Variants in CACNA1C observed in about 807,000 individuals in gnomAD.
CACNA1C encodes voltage-dependent L-type calcium channel subunit alpha-1C.
Under a neutral mutation model 229.0 loss-of-function variants are expected in CACNA1C, and 30 were observed. That is an observed-to-expected ratio of 0.13 (90% CI 0.10 to 0.18). CACNA1C has a LOEUF of 0.18. CACNA1C is among the 10% of genes least tolerant of loss of function. CACNA1C has a pLI of 1.00. For missense variants in CACNA1C, 1,658 were observed against 2,845.0 expected (o/e 0.58, Z 9.49); for synonymous variants, 1,114 against 1,132.5 (o/e 0.98, Z 0.33).
chr12:1,999,354 T>C (rs1400576257), intron 1 of CACNA1C, among the ~76,000 whole-genome samples: 1 of 152,208 alleles, frequency 6.6e-6, no homozygotes, highest in Admixed American at 6.5e-5. Context: ...CTATAAAAAA[T>C]CATTACCTAG....
At chr12:2,008,503 G>GCCTT (rs2043861648) in intron 1 of CACNA1C, among the ~76,000 whole-genome samples, 2 of 151,930 alleles carry the variant, frequency 1.3e-5, no homozygotes, top group African/African-American at 4.9e-5. Flanking sequence ...TTGGTCCAAT[G>GCCTT]CCTTGTACAT....
intron 1 of CACNA1C, among the ~76,000 whole-genome samples, chr12:2,091,564 C>T (rs961794063): frequency 5.9e-5 from 9 of 152,196 alleles, no homozygotes; most frequent in South Asian, 4.1e-4. Flanking sequence ...GCTCTCCTCT[C>T]GTGCCTTCCT....
At chr12:2,350,343 T>C (rs1169687911) in intron 3 of CACNA1C, among the ~76,000 whole-genome samples, 1 of 152,186 alleles carries the variant, frequency 6.6e-6, no homozygotes, top group East Asian at 1.9e-4. Context: ...CCTAGCAGCC[T>C]TGTTAGGTAG....
intron 4 of CACNA1C, among the ~76,000 whole-genome samples, chr12:2,453,520 T>A (rs2099397168): frequency 6.6e-6 from 1 of 152,122 alleles, no homozygotes; most frequent in African/African-American, 2.4e-5. Flanking sequence ...TCTCTGGGTA[T>A]AAAGGACAGA....
At chr12:2,274,221 G>A (rs1278211063) in intron 3 of CACNA1C, among the ~76,000 whole-genome samples, 1 of 152,194 alleles carries the variant, frequency 6.6e-6, no homozygotes, top group Non-Finnish European at 1.5e-5. Context: ...AAGTGCTGTG[G>A]GGCCCAGGCG....
intron 3 of CACNA1C, among the ~76,000 whole-genome samples, chr12:2,212,790 A>T (rs1394888243): frequency 6.6e-6 from 1 of 152,146 alleles, no homozygotes; most frequent in Admixed American, 6.5e-5. Context: ...GACTAGTTAG[A>T]CATGGTTTCT....
intron 3 of CACNA1C, among the ~76,000 whole-genome samples, chr12:2,263,498 C>G (rs1161883628): frequency 6.6e-6 from 1 of 151,002 alleles, no homozygotes; most frequent in African/African-American, 2.4e-5. Context: ...AGTGACTGAT[C>G]TGTTTTGAAA....
chr12:2,042,426 C>T (rs1566013106), intron 1 of CACNA1C, among the ~76,000 whole-genome samples: 4 of 152,276 alleles, frequency 2.6e-5, no homozygotes, highest in South Asian at 2.1e-4. Context: ...AACATATTTA[C>T]ATTATGAGCT....
At chr12:2,372,981 T>C (rs2097912156) in intron 3 of CACNA1C, among the ~76,000 whole-genome samples, 2 of 152,246 alleles carry the variant, frequency 1.3e-5, no homozygotes, top group African/African-American at 4.8e-5. Context: ...TCCAAAGGAA[T>C]GCACGGTGTT....
intron 3 of CACNA1C, among the ~76,000 whole-genome samples, chr12:2,176,442 G>T (rs2096647281): frequency 6.6e-6 from 1 of 152,116 alleles, no homozygotes; most frequent in Admixed American, 6.5e-5. Context: ...TTTTTAAAGG[G>T]TCCTGCTGGC....
chr12:2,004,203 G>A (rs1262662551), intron 1 of CACNA1C: 7 of 1,575,058 alleles, frequency 4.4e-6, no homozygotes, highest in Non-Finnish European at 6.0e-6. Context: ...CCCCTCACCG[G>A]GTCCTCAAGT....
rs575583988 is a variant in CACNA1C at position 2,593,223 on chromosome 12, TGAG to T, written c.2548_2550del (p.Glu850del). 3.5e-4 allele frequency: 567 copies of T among 1,613,740 alleles called. 7 individuals are homozygous for T. In the Middle Eastern group the frequency reaches 4.5e-3, roughly 13 times the overall value. ...CTGTTCTTCTTACAGGAGAAGAGGA[TGAG>T]GAGGAGCCAGAGATGCCTGTCGGCC... On this transcript the variant is annotated inframe_deletion, in exon 19 of 47. Coordinates refer to ENST00000399655, the MANE Select transcript of CACNA1C (RefSeq NM_000719.7).
At chr12:2,614,803 C>T (rs564767392) in intron 29 of CACNA1C, 14 of 152,264 alleles carry the variant, frequency 9.2e-5, no homozygotes, top group East Asian at 1.9e-4. Flanking sequence ...GTCCATCAGC[C>T]GGTCAACTTG....
intron 3 of CACNA1C, among the ~76,000 whole-genome samples, chr12:2,378,318 C>A (rs969645885): frequency 6.6e-6 from 1 of 152,168 alleles, no homozygotes; most frequent in African/African-American, 2.4e-5. Context: ...CGGGCCTCTG[C>A]ATGTGGATGG....
chr12:2,556,089 G>A (rs1444202983), intron 10 of CACNA1C, among the ~76,000 whole-genome samples: 2 of 152,116 alleles, frequency 1.3e-5, no homozygotes, highest in Non-Finnish European at 2.9e-5. Flanking sequence ...AAGCTGACAG[G>A]TGCCTTCTAA....
chr12:2,687,632 C>T (rs367968328), intron 45 of CACNA1C, among the ~76,000 whole-genome samples: 72 of 152,204 alleles, frequency 4.7e-4, no homozygotes, highest in African/African-American at 1.7e-3. Context: ...CTCCACCTCC[C>T]GGGTTCAAGT....
intron 9 of CACNA1C, among the ~76,000 whole-genome samples, chr12:2,533,165 C>T (rs1267053365): frequency 6.6e-6 from 1 of 152,138 alleles, no homozygotes; most frequent in Non-Finnish European, 1.5e-5. Context: ...CAGAGGCAGG[C>T]GTTCATCCCC....
chr12:2,690,522 G>A (rs1476565395), intron 46 of CACNA1C, among the ~76,000 whole-genome samples: 1 of 152,180 alleles, frequency 6.6e-6, no homozygotes, highest in South Asian at 2.1e-4. Context: ...TTGTAGAGAC[G>A]AAGTTTCCCT....
chr12:2,651,408 G>A lies in CACNA1C; in HGVS notation c.3946-232G>A. The A allele has an allele frequency of 1.7e-6, 1 of 581,680 alleles. No homozygotes were observed. The highest frequency in any genetic ancestry group is 2.8e-5 in the East Asian group (1 of 35,380). 36.0% of individuals were successfully genotyped at this position (581,680 alleles called of 1,614,324 possible). A position where few individuals can be genotyped will look rare whatever the true frequency, so the allele number is the denominator to read the frequency against. Reference sequence around the variant, plus strand: ...GGAATCGGGGAGAATAAAAACACAGGACCACAGCCCAGCGGCCTGGGCACA... The same window carrying A: ...GGAATCGGGGAGAATAAAAACACAGAACCACAGCCCAGCGGCCTGGGCACA... On this transcript the variant is annotated intron_variant, in intron 31 of 46. Transcript: ENST00000399655. The surrounding 1 kb of genome is among the most constrained non-coding windows in gnomAD (Gnocchi z 5.4).
Sources: allele counts gnomAD v4.1 joint callset (sites outside exome capture counted in the v4.1 genomes callset), GRCh38; gene constraint gnomAD v4.1.1; non-coding constraint Gnocchi (gnomAD v3.1); transcripts MANE v1.5; gene names NCBI Gene and HGNC (gene_info 2026-07-23, HGNC 2026-07-21).